The following CALN1 variants were observed in gnomAD, a reference collection of about 807,000 sequenced individuals.
CALN1 encodes the protein calneuron 1.
A neutral mutation model predicts 30.6 loss-of-function variants in CALN1; 17 were observed. The ratio of observed to expected loss-of-function variants is 0.56; its 90% confidence interval spans 0.38 to 0.83. The LOEUF is 0.83. CALN1 is among the 40% of genes least tolerant of loss of function. CALN1 has a pLI of 0.00. For missense variants in CALN1, 291 were observed against 354.9 expected (o/e 0.82, Z 1.45); for synonymous variants, 156 against 131.4 (o/e 1.19, Z -1.28).
At position 71,857,574 on chromosome 7, in the gene CALN1, CA is replaced by C. The variant is rs147568723; in HGVS notation, c.502-47083del. Among the ~76,000 whole-genome samples the C allele has an allele frequency of 2.9e-3, 436 of 152,260 alleles. 1 individual carries two copies. The highest frequency in any genetic ancestry group is 9.9e-3 in the African/African-American group (410 of 41,556). ...CCTGTCTCCAGACAACTGGCTGTCT[CA>C]CCGACTCCTCTTCCCTCTCCTCCCC... On this transcript the variant is annotated intron_variant, in intron 5 of 6. Coordinates refer to ENST00000395275, the MANE Select transcript of CALN1 (RefSeq NM_031468.4).
intron 3 of CALN1, among the ~76,000 whole-genome samples, chr7:72,274,444 G>A (rs547805364): frequency 6.6e-6 from 1 of 151,206 alleles, no homozygotes; most frequent in Admixed American, 6.6e-5. Flanking sequence ...GGAGGTGGAG[G>A]TTGCAGTGAG....
At chr7:72,446,566 T>C (rs906983736) in intron 1 of CALN1, among the ~76,000 whole-genome samples, 1 of 152,056 alleles carries the variant, frequency 6.6e-6, no homozygotes, top group African/African-American at 2.4e-5. Context: ...CGGGACGACT[T>C]ACAGGGAAAG....
At chr7:72,402,248 G>A (rs1806392148) in intron 2 of CALN1, among the ~76,000 whole-genome samples, 1 of 152,248 alleles carries the variant, frequency 6.6e-6, no homozygotes, top group Admixed American at 6.5e-5. Flanking sequence ...TGTTGGAGAA[G>A]ATTCTGAACA....
chr7:72,314,883 C>G (rs186489412), intron 2 of CALN1, among the ~76,000 whole-genome samples: 242 of 149,280 alleles, frequency 1.6e-3, no homozygotes, highest in African/African-American at 5.8e-3. Flanking sequence ...CACAGTGGCT[C>G]ACACCTGTAA....
At chr7:72,346,451 CAT>C (rs1470968332) in intron 2 of CALN1, among the ~76,000 whole-genome samples, 1 of 152,176 alleles carries the variant, frequency 6.6e-6, no homozygotes, top group Non-Finnish European at 1.5e-5. Flanking sequence ...AATCCACACA[CAT>C]ACATTCTGTC....
intron 3 of CALN1, among the ~76,000 whole-genome samples, chr7:72,188,502 G>A (rs1252972038): frequency 2.0e-5 from 3 of 151,896 alleles, no homozygotes; most frequent in Non-Finnish European, 4.4e-5. Flanking sequence ...GCTAAGCTAT[G>A]AGGATTGAAA....
chr7:72,060,815 T>C (rs1803595397), intron 4 of CALN1, among the ~76,000 whole-genome samples: 1 of 152,202 alleles, frequency 6.6e-6, no homozygotes, highest in Non-Finnish European at 1.5e-5. Flanking sequence ...CCTTCTGCCA[T>C]GACTGAAAGC....
chr7:72,249,596 G>A (rs1049705288), intron 3 of CALN1, among the ~76,000 whole-genome samples: 1 of 152,170 alleles, frequency 6.6e-6, no homozygotes, highest in Non-Finnish European at 1.5e-5. Flanking sequence ...GAGTTCAGGA[G>A]TTTGAGACCA....
intron 2 of CALN1, among the ~76,000 whole-genome samples, chr7:72,398,206 A>G (rs1179260966): frequency 2.0e-5 from 3 of 152,348 alleles, no homozygotes; most frequent in South Asian, 4.1e-4. Context: ...ACAAAGGCTG[A>G]GTTCCTTCAG....
rs1231571261 is a variant in CALN1 at position 71,972,007 on chromosome 7, A to G, written c.501+51650T>C. On this transcript the variant is annotated intron_variant, in intron 5 of 6. Transcript: ENST00000395275. The stretch of plus-strand genomic sequence containing the variant: ...AAAGAAAGAAAGAGAAAGAAAGAAA[A>G]AAAGAAAGAAAAGAAAGAAAGAAAG... Among the ~76,000 whole-genome samples the G allele has an allele frequency of 6.8e-3, 935 of 138,484 alleles. 5 individuals carry two copies. The highest frequency in any genetic ancestry group is 9.3e-3 in the Non-Finnish European group (606 of 64,944). 90.9% of individuals were successfully genotyped at this position (138,484 alleles called of 152,430 possible).
At chr7:72,049,138 G>A (rs1802673399) in intron 4 of CALN1, among the ~76,000 whole-genome samples, 1 of 152,096 alleles carries the variant, frequency 6.6e-6, no homozygotes, top group African/African-American at 2.4e-5. Context: ...TACCTGGTGG[G>A]TGGGGGGAGA....
At chr7:71,956,285 G>C (rs985607859) in intron 5 of CALN1, among the ~76,000 whole-genome samples, 1 of 150,682 alleles carries the variant, frequency 6.6e-6, no homozygotes, top group Non-Finnish European at 1.5e-5. Context: ...ACTGTGCCCA[G>C]CCCGTTCTAG....
chr7:72,417,249 T>C (rs1371692051), upstream of CALN1, among the ~76,000 whole-genome samples: 1 of 152,232 alleles, frequency 6.6e-6, no homozygotes, highest in Non-Finnish European at 1.5e-5. Context: ...GGCAGAGACC[T>C]TGGGCAGACC....
chr7:72,292,737 C>G (rs547832634), intron 2 of CALN1, among the ~76,000 whole-genome samples: 1 of 142,280 alleles, frequency 7.0e-6, no homozygotes, highest in Non-Finnish European at 1.5e-5. Flanking sequence ...AGGAGAATCA[C>G]TTGAACCTGG....
rs147509992 is a variant in CALN1, at chr7:72,243,726, T to C, written c.244+34960A>G. ...CTGCTAGGCTGATCTAATGAGATTC[T>C]GTATGTGGACAGCAAAGTGGGCCAT... On this transcript the variant is annotated intron_variant, in intron 3 of 6. Transcript: ENST00000395275. Among the ~76,000 whole-genome samples, 15 of 152,276 alleles carry C rather than the reference T, an allele frequency of 9.9e-5. No individual in the cohort carries two copies. The East Asian group carries it at 2.9e-3, about 29-fold the overall frequency.
intron 6 of CALN1, among the ~76,000 whole-genome samples, chr7:71,794,184 G>C (rs963636121): frequency 1.3e-5 from 2 of 152,144 alleles, no homozygotes; most frequent in African/African-American, 4.8e-5. Flanking sequence ...GCAGAGGTGG[G>C]ATTTGAGCTG....
At chr7:72,316,737 A>G (rs1222143495) in intron 2 of CALN1, among the ~76,000 whole-genome samples, 1 of 152,018 alleles carries the variant, frequency 6.6e-6, no homozygotes, top group Non-Finnish European at 1.5e-5. Context: ...TGAGTCCAGG[A>G]GTTCAAGACC....
At chr7:71,881,611 G>C (rs981131052) in intron 5 of CALN1, among the ~76,000 whole-genome samples, 2 of 152,078 alleles carry the variant, frequency 1.3e-5, no homozygotes, top group Non-Finnish European at 2.9e-5. Context: ...ATGTTTCCAA[G>C]GCATTGATTC....
chr7:71,937,990 G>C (rs1795932605), intron 5 of CALN1, among the ~76,000 whole-genome samples: 1 of 152,178 alleles, frequency 6.6e-6, no homozygotes, highest in Non-Finnish European at 1.5e-5. Context: ...CACTCAGGGA[G>C]GTCCCTTGGG....
Sources: gnomAD v4.1 joint callset for allele counts (sites outside exome capture counted in the v4.1 genomes callset) on GRCh38, gnomAD v4.1.1 for gene constraint, MANE v1.5 for transcripts, NCBI Gene and HGNC (gene_info 2026-07-23, HGNC 2026-07-21) for gene names.